The following RPRD2 variants were observed in gnomAD, a reference collection of about 807,000 sequenced individuals.
RPRD2 encodes the protein regulation of nuclear pre-mRNA domain-containing protein 2.
A neutral mutation model predicts 104.4 loss-of-function variants in RPRD2; 12 were observed. The ratio of observed to expected loss-of-function variants is 0.11; its 90% CI spans 0.07 to 0.19. RPRD2 has a LOEUF of 0.19. RPRD2 is among the 10% of genes least tolerant of loss of function. The pLI is 1.00. For synonymous variants in RPRD2, 714 were observed against 684.9 expected, an observed-to-expected ratio of 1.04 and a Z score of -0.66; for missense variants, 1,543 against 1,790.1, an observed-to-expected ratio of 0.86 and a Z score of 2.49.
intron 1 of RPRD2, among the ~76,000 whole-genome samples, chr1:150,402,682 T>C (rs953487015): frequency 6.7e-6 from 1 of 149,152 alleles, no homozygotes; most frequent in Admixed American, 6.7e-5. Context: ...AGATCCCCGT[T>C]TCAGCCGGGC....
At chr1:150,414,267 C>T (rs587726158) in intron 1 of RPRD2, among the ~76,000 whole-genome samples, 1 of 152,136 alleles carries the variant, frequency 6.6e-6, no homozygotes, top group African/African-American at 2.4e-5. Flanking sequence ...TGTATTAAGC[C>T]CTATCTTAAT....
At chr1:150,406,850 G>T (rs112345546) in intron 1 of RPRD2, among the ~76,000 whole-genome samples, 13 of 152,254 alleles carry the variant, frequency 8.5e-5, no homozygotes, top group Admixed American at 2.6e-4. Flanking sequence ...GAGTAGCTGG[G>T]ATTACAAGCA....
At chr1:150,410,789 G>A (rs1328828031) in intron 1 of RPRD2, among the ~76,000 whole-genome samples, 2 of 152,180 alleles carry the variant, frequency 1.3e-5, no homozygotes, top group Non-Finnish European at 2.9e-5. Context: ...AGACTGGGTG[G>A]CTTAAACAAA....
intron 2 of RPRD2, among the ~76,000 whole-genome samples, chr1:150,431,378 AAAGG>A (rs1665557372): frequency 6.6e-6 from 1 of 151,988 alleles, no homozygotes; most frequent in South Asian, 2.1e-4. Context: ...ACAGTAGTCA[AAAGG>A]AAGAACAGTC....
chr1:150,385,335 G>C (rs1182157101), intron 1 of RPRD2, among the ~76,000 whole-genome samples: 1 of 152,004 alleles, frequency 6.6e-6, no homozygotes, highest in Admixed American at 6.6e-5. Flanking sequence ...AAATTAGTCG[G>C]GCGTGGTGGC....
chr1:150,391,682 C>T (rs1662081515), intron 1 of RPRD2, among the ~76,000 whole-genome samples: 2 of 152,020 alleles, frequency 1.3e-5, no homozygotes, highest in Admixed American at 6.6e-5. Context: ...CTGAGGCGGG[C>T]GGATCACCTA....
At chr1:150,461,376 T>TAAGTG (rs1667923294) in intron 9 of RPRD2, among the ~76,000 whole-genome samples, 1 of 152,196 alleles carries the variant, frequency 6.6e-6, no homozygotes, top group South Asian at 2.1e-4. Flanking sequence ...TTTAAAAAAG[T>TAAGTG]AAGTGTATTG....
rs1173741924 is a variant in RPRD2 at position 150,472,209 on chromosome 1, C to T, written c.3261C>T (p.Thr1087=). Reference sequence around the variant, plus strand: ...AAGAAAAGGGGGCCCCTATAGAAACCTTGGGTTATCACAGTGCATCCAATA... The same window carrying T: ...AAGAAAAGGGGGCCCCTATAGAAACTTTGGGTTATCACAGTGCATCCAATA... ...STEEKGAPIE[T]LGYHSASNRR... Residue 1087 remains threonine (T), a synonymous_variant, in exon 11 of 11, where the codon ACC becomes ACT. Transcript: ENST00000369068. 15 of 1,613,812 alleles carry T rather than the reference C, an allele frequency of 9.3e-6. No individual in the cohort carries two copies. Among genetic ancestry groups the T allele is most frequent in the African/African-American group, 4.0e-5 (3 of 74,918 alleles).
intron 7 of RPRD2, among the ~76,000 whole-genome samples, chr1:150,449,581 T>G (rs1295985935): frequency 1.3e-5 from 2 of 152,056 alleles, no homozygotes; most frequent in African/African-American, 4.8e-5. Context: ...CTCTCCCTCC[T>G]TCCTTCTTTC....
chr1:150,410,551 T>C (rs190490770), intron 1 of RPRD2, among the ~76,000 whole-genome samples: 168 of 152,342 alleles, frequency 1.1e-3, no homozygotes, highest in African/African-American at 3.7e-3. Context: ...TACAGAAACC[T>C]TCTGTGTACT....
At chr1:150,395,876 TCACATGG>T (rs1662480880) in intron 1 of RPRD2, among the ~76,000 whole-genome samples, 1 of 152,356 alleles carries the variant, frequency 6.6e-6, no homozygotes, top group Non-Finnish European at 1.5e-5. Context: ...GATTGCTGGA[TCACATGG>T]TAGTTCTACT....
At chr1:150,436,212 A>G (rs954631556) in intron 2 of RPRD2, among the ~76,000 whole-genome samples, 1 of 151,912 alleles carries the variant, frequency 6.6e-6, no homozygotes, top group African/African-American at 2.4e-5. Context: ...GCTCTGATGT[A>G]TAAGGAGATT....
At chr1:150,445,743 G>A (rs1021877290) in intron 6 of RPRD2, among the ~76,000 whole-genome samples, 2 of 152,076 alleles carry the variant, frequency 1.3e-5, no homozygotes, top group East Asian at 3.9e-4. Context: ...AATCTGTTTT[G>A]TGATTTTGTG....
At chr1:150,413,882 G>A (rs1437930753) in intron 1 of RPRD2, among the ~76,000 whole-genome samples, 1 of 151,870 alleles carries the variant, frequency 6.6e-6, no homozygotes, top group Non-Finnish European at 1.5e-5. Context: ...CTGAGATCAT[G>A]CCATTGCGCT....
chr1:150,430,449 C>T (rs954878139), intron 2 of RPRD2, among the ~76,000 whole-genome samples: 8 of 152,106 alleles, frequency 5.3e-5, no homozygotes, highest in Non-Finnish European at 1.2e-4. Flanking sequence ...GGGAGAATCA[C>T]TTGAGCCCAG....
In RPRD2 at chr1:150,475,871, AT is replaced by A. The variant is rs374429502; in HGVS notation, c.*2543del. On this transcript the variant is annotated 3_prime_UTR_variant, in exon 11 of 11. Coordinates refer to ENST00000369068, the MANE Select transcript of RPRD2 (RefSeq NM_015203.5). ...CTGAGTTTAAACAAATAAACAAGAT[AT>A]TTTTTAAAGAAAGCATAACATAGTG... 1 of 150,168 alleles carries A rather than the reference AT, an allele frequency of 6.7e-6. No homozygotes were observed. Among genetic ancestry groups the A allele is most frequent in the Non-Finnish European group, 1.5e-5 (1 of 67,594 alleles). The allele number at this position is 150,168 out of a possible 1,614,324, so 9.3% of individuals were successfully genotyped here. A position where few individuals can be genotyped will look rare whatever the true frequency, so the allele number is the denominator to read the frequency against.
At position 150,457,401 on chromosome 1, in the gene RPRD2, T is replaced by A; in HGVS notation, c.984T>A (p.Ala328=). The A allele has an allele frequency of 6.2e-7, 1 of 1,613,730 alleles. No homozygotes were observed. Among genetic ancestry groups the A allele is most frequent in the Non-Finnish European group, 8.5e-7 (1 of 1,179,814 alleles). ...CAGTTCCTTCCCCAAGCATGGACGC[T>A]CCCTCCCCGACTGGTTCTGAGTCTC... The part of the protein sequence containing the change: ...ESPVPSPSMD[A]PSPTGSESPF... The change falls in exon 8 of 11, where the codon GCT becomes GCA. Residue 328 remains alanine (A), a synonymous_variant. Coordinates refer to ENST00000369068, the MANE Select transcript of RPRD2 (RefSeq NM_015203.5).
intron 1 of RPRD2, among the ~76,000 whole-genome samples, chr1:150,372,863 A>G (rs1553878711): frequency 6.6e-6 from 1 of 152,136 alleles, no homozygotes; most frequent in Admixed American, 6.5e-5. Flanking sequence ...GTTAAAATGA[A>G]GATTAGTGGA....
chr1:150,455,921 C>G (rs1667495101), intron 7 of RPRD2, among the ~76,000 whole-genome samples: 2 of 152,130 alleles, frequency 1.3e-5, no homozygotes, highest in African/African-American at 4.8e-5. Flanking sequence ...AGCAGTCCTC[C>G]CACCTCAGCC....
Sources: gnomAD v4.1 joint callset for allele counts (sites outside exome capture counted in the v4.1 genomes callset) on GRCh38, gnomAD v4.1.1 for gene constraint, MANE v1.5 for transcripts, NCBI Gene and HGNC (gene_info 2026-07-23, HGNC 2026-07-21) for gene names.